The following EVA1C variants were observed in gnomAD, a reference collection of about 807,000 sequenced individuals.
EVA1C encodes eva-1 homolog C.
Under a neutral mutation model 45.4 loss-of-function variants are expected in EVA1C, and 25 were observed. The observed-to-expected ratio is 0.55, with a 90% CI of 0.40 to 0.77. The LOEUF is 0.77. Among genes scored for constraint, EVA1C ranks in the 30% least tolerant of loss-of-function variants. The pLI, the probability that EVA1C is intolerant of heterozygous loss-of-function variation, is 0.00. For missense variants in EVA1C, 479 were observed against 554.8 expected (o/e 0.86, Z 1.37); for synonymous variants, 190 against 221.2 (o/e 0.86, Z 1.25).
At position 32,495,045 on chromosome 21, in the gene EVA1C, C is replaced by G. The variant is rs770716681; in HGVS notation, c.653C>G (p.Ala218Gly). Residue 218 changes from alanine to glycine, a missense_variant, in exon 5 of 8, where the codon GCT (alanine) becomes GGT (glycine). By Grantham distance (60) the Ala-to-Gly change is moderately conservative. Around this residue, in one of 3 missense-constraint regions of EVA1C, gnomAD observed 366 missense variants for 426.1 expected, o/e 0.86. Transcript: ENST00000300255. ...CTTTCAGATTGCTTGTCTTACTCAGCTTTGCAAGTCCTATCCCGAAGGTGC... is the reference window on the plus strand; with the variant it reads ...CTTTCAGATTGCTTGTCTTACTCAGGTTTGCAAGTCCTATCCCGAAGGTGC... ...LPPFDCLSYS[A>G]LQVLSRRCYG... The G allele has an allele frequency of 2.0e-5, 33 of 1,614,090 alleles. No homozygotes were observed. In the East Asian group the frequency reaches 7.4e-4, roughly 36 times the overall value.
intron 4 of EVA1C, among the ~76,000 whole-genome samples, chr21:32,486,385 A>T (rs1399677729): frequency 6.6e-6 from 1 of 152,166 alleles, no homozygotes; most frequent in Non-Finnish European, 1.5e-5. Flanking sequence ...TCAGCCCCGC[A>T]AAGTGCTGGG....
chr21:32,434,515 C>T (rs1044408452), intron 1 of EVA1C, among the ~76,000 whole-genome samples: 40 of 151,940 alleles, frequency 2.6e-4, no homozygotes, highest in Admixed American at 1.2e-3. Flanking sequence ...GGCATGAACC[C>T]GGGAGGAGGA....
At chr21:32,451,219 C>A (rs565551967) in intron 1 of EVA1C, among the ~76,000 whole-genome samples, 24 of 152,254 alleles carry the variant, frequency 1.6e-4, no homozygotes, top group African/African-American at 4.8e-4. Flanking sequence ...CACAGGTCAT[C>A]GAGCAGGAAT....
intron 3 of EVA1C, among the ~76,000 whole-genome samples, chr21:32,459,145 G>A (rs973908407): frequency 4.6e-5 from 7 of 151,934 alleles, no homozygotes; most frequent in African/African-American, 1.7e-4. Context: ...ATCACACACA[G>A]GCACACACTA....
At chr21:32,504,059 C>A in intron 7 of EVA1C, 44 bp downstream of exon 7, 5 of 1,343,634 alleles carry the variant, frequency 3.7e-6, no homozygotes, top group Middle Eastern at 2.6e-4. Context: ...GATGGATTTA[C>A]TAAAGTCTTG....
At chr21:32,430,705 G>T (rs1372970226) in intron 1 of EVA1C, among the ~76,000 whole-genome samples, 2 of 149,472 alleles carry the variant, frequency 1.3e-5, no homozygotes, top group Non-Finnish European at 3.0e-5. Flanking sequence ...GGGCACAGTG[G>T]CTCACACCTC....
rs542577042 is a variant in EVA1C at position 32,475,720 on chromosome 21, C to G, written c.634+7872C>G. Among the ~76,000 whole-genome samples, 3 of 152,148 alleles carry G rather than the reference C, an allele frequency of 2.0e-5. No homozygotes were observed. In the South Asian group the frequency reaches 6.2e-4, roughly 32 times the overall value. On this transcript the variant is annotated intron_variant, in intron 4 of 7. Transcript: ENST00000300255. ...GATATTTTTCATTTTTTCTGACTTT[C>G]AAGTATTGTAAATAATGTATAATGA...
At chr21:32,475,943 G>C (rs2036547614) in intron 4 of EVA1C, among the ~76,000 whole-genome samples, 1 of 148,622 alleles carries the variant, frequency 6.7e-6, no homozygotes, top group African/African-American at 2.5e-5. Context: ...AAACAGGAAT[G>C]TATAACTGTG....
At chr21:32,465,728 C>T (rs1348964708) in intron 3 of EVA1C, among the ~76,000 whole-genome samples, 1 of 152,154 alleles carries the variant, frequency 6.6e-6, no homozygotes, top group Non-Finnish European at 1.5e-5. Flanking sequence ...AAACTCCTGA[C>T]CTCAGGTGAT....
At chr21:32,501,619 C>A (rs8132528) in intron 6 of EVA1C, 124 bp downstream of exon 6, 32 of 1,242,340 alleles carry the variant, frequency 2.6e-5, no homozygotes, top group Non-Finnish European at 3.0e-5. Context: ...TTTGAGGTAC[C>A]GGTCCTGGTG....
chr21:32,506,606 G>C (rs2037728687), intron 7 of EVA1C, among the ~76,000 whole-genome samples: 1 of 152,060 alleles, frequency 6.6e-6, no homozygotes, highest in Non-Finnish European at 1.5e-5. Context: ...AGGTGCCTCT[G>C]GGCTTGCCTG....
chr21:32,509,469 G>GA (rs1429113749), intron 7 of EVA1C, among the ~76,000 whole-genome samples: 5 of 152,022 alleles, frequency 3.3e-5, no homozygotes. Flanking sequence ...AGAGGAGAGG[G>GA]AAAAAAAGGG....
chr21:32,494,985 G>T, intron 4 of EVA1C, 42 bp from the exon 5 acceptor site: 1 of 1,606,558 alleles, frequency 6.2e-7, no homozygotes, highest in South Asian at 1.1e-5. Flanking sequence ...GTGGCCCTGT[G>T]TGGGATGCAA....
intron 5 of EVA1C, among the ~76,000 whole-genome samples, chr21:32,498,292 C>T (rs1225573026): frequency 6.6e-6 from 1 of 152,034 alleles, no homozygotes; most frequent in African/African-American, 2.4e-5. Flanking sequence ...ACTAAAAATA[C>T]AAAATTATCT....
intron 1 of EVA1C, among the ~76,000 whole-genome samples, chr21:32,425,587 A>G (rs1479369591): frequency 1.3e-5 from 2 of 152,294 alleles, no homozygotes; most frequent in Non-Finnish European, 1.5e-5. Flanking sequence ...CTCCCTGGCT[A>G]TTCAAGTCAA....
chr21:32,421,246 G>C (rs1159335914), intron 1 of EVA1C, among the ~76,000 whole-genome samples: 3 of 152,224 alleles, frequency 2.0e-5, no homozygotes, highest in Non-Finnish European at 4.4e-5. Context: ...GGAGTTGCTT[G>C]ATGGTCTTGA....
chr21:32,473,839 G>T (rs1041478232), intron 4 of EVA1C: 2 of 854,884 alleles, frequency 2.3e-6, no homozygotes, highest in African/African-American at 3.7e-5. Flanking sequence ...GGTGAGGTCA[G>T]AGCTGAACCT....
At position 32,421,471 on chromosome 21, in the gene EVA1C, T is replaced by C. The variant is rs572271798; in HGVS notation, c.160+8458T>C. 4.6e-5 allele frequency among the ~76,000 whole-genome samples: 7 copies of C among 152,292 alleles called. No homozygotes were observed. The South Asian group carries it at 1.4e-3, about 32-fold the overall frequency. ...TTCAGGATTGGAGAAAAAAATAATGTCTCTTGAGATGGTGTAATCAAAATT... is the reference window on the plus strand; with the variant it reads ...TTCAGGATTGGAGAAAAAAATAATGCCTCTTGAGATGGTGTAATCAAAATT... On this transcript the variant is annotated intron_variant, in intron 1 of 7. Coordinates refer to ENST00000300255, the MANE Select transcript of EVA1C (RefSeq NM_058187.5).
At position 32,452,785 on chromosome 21, in the gene EVA1C, C is replaced by T. The variant is rs73903332; in HGVS notation, c.161-527C>T. On this transcript the variant is annotated intron_variant, in intron 1 of 7. Transcript: ENST00000300255. The surrounding 1 kb of genome is among the most constrained non-coding windows in gnomAD (Gnocchi z 4.0). ...GCTGCCCAGCAGCCAGACTCTCCTC[C>T]GACCGCCCCCGACTGATTTCCACAT... The T allele has an allele frequency of 0.052, 7,869 of 152,374 alleles. 253 individuals carry two copies. Among genetic ancestry groups the T allele is most frequent in the African/African-American group, 0.084 (3,480 of 41,530 alleles). The allele number at this position is 152,374 out of a possible 1,614,324, so 9.4% of individuals were successfully genotyped here.
Sources: gnomAD v4.1 joint callset for allele counts (sites outside exome capture counted in the v4.1 genomes callset) on GRCh38, gnomAD v4.1.1 for gene constraint, gnomAD v4.1.1 regional missense constraint, Gnocchi (gnomAD v3.1) non-coding constraint, MANE v1.5 for transcripts, NCBI Gene and HGNC (gene_info 2026-07-23, HGNC 2026-07-21) for gene names.